The following RGS6 variants were observed in gnomAD, a reference collection of about 807,000 sequenced individuals.
RGS6 encodes the protein regulator of G-protein signaling 6.
Under a neutral mutation model 78.5 loss-of-function variants are expected in RGS6, and 30 were observed. The ratio of observed to expected loss-of-function variants is 0.38; its 90% CI spans 0.29 to 0.52. The LOEUF (loss-of-function observed/expected upper bound fraction) is 0.52. RGS6 is among the 20% of genes least tolerant of loss of function. The pLI is 0.85. For missense variants in RGS6, 495 were observed against 609.7 expected (o/e 0.81, Z 1.98); for synonymous variants, 206 against 206.0 (o/e 1.00, Z 0.00).
intron 2 of RGS6, among the ~76,000 whole-genome samples, chr14:72,303,010 C>T (rs2066445030): frequency 6.6e-6 from 1 of 152,226 alleles, no homozygotes; most frequent in Non-Finnish European, 1.5e-5. Flanking sequence ...CCTTTGCCTT[C>T]TGCCATGATT....
At chr14:72,029,437 C>G (rs74060464) in intron 2 of RGS6, among the ~76,000 whole-genome samples, 6,658 of 152,282 alleles carry the variant, frequency 0.044, 180 homozygotes, top group African/African-American at 0.078. Context: ...ATCTAGAGTA[C>G]CTCATGTTCA....
chr14:72,247,199 A>G (rs2054451182), intron 2 of RGS6, among the ~76,000 whole-genome samples: 1 of 152,180 alleles, frequency 6.6e-6, no homozygotes, highest in Non-Finnish European at 1.5e-5. Context: ...AAGTGATGGT[A>G]TGCCAGCTTA....
At chr14:72,137,823 G>A (rs2096469614) in intron 2 of RGS6, among the ~76,000 whole-genome samples, 2 of 152,076 alleles carry the variant, frequency 1.3e-5, no homozygotes, top group South Asian at 4.2e-4. Context: ...CAGTCCTTTT[G>A]GGTTTTTATG....
At chr14:72,053,046 TCCC>T (rs1236967959) in intron 2 of RGS6, among the ~76,000 whole-genome samples, 6 of 3,668 alleles carry the variant, frequency 1.6e-3, no homozygotes, top group African/African-American at 3.4e-3. Flanking sequence ...CCTCCCTCCC[TCCC>T]TCCCTCCCTC....
chr14:71,911,321 A>C, the RGS6 span, among the ~76,000 whole-genome samples: 1 of 152,150 alleles, frequency 6.6e-6, no homozygotes, highest in Admixed American at 6.5e-5. Context: ...TTTTTTCTAA[A>C]CCTTATTAAA....
chr14:72,389,730 C>A (rs894100921), intron 3 of RGS6, among the ~76,000 whole-genome samples: 9 of 152,156 alleles, frequency 5.9e-5, no homozygotes, highest in Non-Finnish European at 1.5e-5. Context: ...GTCATTTAGA[C>A]ACACACACAA....
intron 2 of RGS6, among the ~76,000 whole-genome samples, chr14:72,242,839 C>CTTTTTTTTTTTTTTTTTTTTTTTTTTTTT (rs35675211): frequency 1.4e-5 from 1 of 69,132 alleles, no homozygotes. Context: ...CATTTCTTTT[C>CTTTTTTTTTTTTTTTTTTTTTTTTTTTTT]TTTTTTTTTT....
the RGS6 span, among the ~76,000 whole-genome samples, chr14:72,605,549 G>A: frequency 6.6e-6 from 1 of 152,238 alleles, no homozygotes; most frequent in Non-Finnish European, 1.5e-5. Context: ...AAGCGCTGAT[G>A]GTTCAAAACA....
At chr14:72,297,674 G>A (rs1182768974) in intron 2 of RGS6, among the ~76,000 whole-genome samples, 7 of 144,630 alleles carry the variant, frequency 4.8e-5, no homozygotes, top group Non-Finnish European at 7.5e-5. Context: ...AATATACGGT[G>A]TTTGGTTTTT....
the RGS6 span, among the ~76,000 whole-genome samples, chr14:72,600,911 C>T: frequency 6.6e-6 from 1 of 152,048 alleles, no homozygotes. Context: ...TAGCCCTCCC[C>T]TGGCTGCTGC....
intron 3 of RGS6, among the ~76,000 whole-genome samples, chr14:72,390,090 CTTTTT>C (rs767640465): frequency 9.4e-5 from 11 of 117,408 alleles, no homozygotes; most frequent in African/African-American, 3.3e-4. Flanking sequence ...AGCTATAGTT[CTTTTT>C]TTTTTTTTTT....
intron 1 of RGS6, among the ~76,000 whole-genome samples, chr14:71,935,757 A>G (rs918008752): frequency 1.3e-5 from 2 of 152,000 alleles, no homozygotes; most frequent in African/African-American, 2.4e-5. Flanking sequence ...AAAGGGCAAA[A>G]GGTACTTTTA....
intron 2 of RGS6, among the ~76,000 whole-genome samples, chr14:72,228,969 C>T (rs1270524028): frequency 6.6e-6 from 1 of 152,112 alleles, no homozygotes; most frequent in Non-Finnish European, 1.5e-5. Context: ...GCAGAAGAAT[C>T]GCTTGAACCT....
intron 2 of RGS6, among the ~76,000 whole-genome samples, chr14:71,984,484 G>GAAAAAAAAAAAAAAA (rs370779936): frequency 2.6e-5 from 3 of 117,430 alleles, no homozygotes; most frequent in African/African-American, 3.3e-5. Context: ...GTCTCAAAAA[G>GAAAAAAAAAAAAAAA]AAAAAAAAAA....
At chr14:72,607,666 G>T in the RGS6 span, among the ~76,000 whole-genome samples, 1 of 152,198 alleles carries the variant, frequency 6.6e-6, no homozygotes, top group East Asian at 1.9e-4. Context: ...CTGTGTAATC[G>T]TCTGCTGCCT....
intron 2 of RGS6, among the ~76,000 whole-genome samples, chr14:72,135,296 G>A (rs1432223808): frequency 6.6e-6 from 1 of 152,138 alleles, no homozygotes; most frequent in East Asian, 1.9e-4. Flanking sequence ...GGTGTCTTGA[G>A]GAACTCCCTG....
At chr14:71,939,117 A>C (rs1472099620) in intron 1 of RGS6, among the ~76,000 whole-genome samples, 1 of 152,200 alleles carries the variant, frequency 6.6e-6, no homozygotes, top group Non-Finnish European at 1.5e-5. Flanking sequence ...CACTCAATAA[A>C]TGGGCCGGAG....
chr14:72,320,045 C>T (rs2071460931), intron 2 of RGS6, among the ~76,000 whole-genome samples: 1 of 152,126 alleles, frequency 6.6e-6, no homozygotes, highest in Non-Finnish European at 1.5e-5. Flanking sequence ...GTCACACCAG[C>T]AGGAATATCA....
intron 1 of RGS6, among the ~76,000 whole-genome samples, chr14:71,939,131 C>A (rs541670854): frequency 6.6e-6 from 1 of 152,278 alleles, no homozygotes; most frequent in Admixed American, 6.5e-5. Flanking sequence ...GCCGGAGTAA[C>A]ACACCCAAAT....
Sources: gnomAD v4.1 joint callset for allele counts (sites outside exome capture counted in the v4.1 genomes callset) on GRCh38, gnomAD v4.1.1 for gene constraint, MANE v1.5 for transcripts, NCBI Gene and HGNC (gene_info 2026-07-23, HGNC 2026-07-21) for gene names.